Variants in NDST4 observed in about 807,000 individuals in gnomAD.
NDST4 encodes the protein N-heparan sulfate sulfotransferase 4.
In NDST4, 63 loss-of-function variants were observed where a neutral mutation model predicts 100.8. The ratio of observed to expected loss-of-function variants is 0.62; its 90% CI spans 0.51 to 0.77. The LOEUF (loss-of-function observed/expected upper bound fraction) is 0.77, where lower values mean the gene tolerates loss of function less well. Among genes scored for constraint, NDST4 ranks in the 30% least tolerant of loss-of-function variants. NDST4 has a pLI of 0.00. For synonymous variants in NDST4, 377 were observed against 361.8 expected (o/e 1.04, Z -0.48); for missense variants, 943 against 1,018.4 (o/e 0.93, Z 1.01).
chr4:115,009,344 T>C (rs1727490903), intron 2 of NDST4, among the ~76,000 whole-genome samples: 2 of 127,584 alleles, frequency 1.6e-5, no homozygotes, highest in Admixed American at 8.0e-5. Context: ...GAGATATAGA[T>C]CAATGGAACA....
chr4:114,966,267 A>G (rs778796264), intron 4 of NDST4, among the ~76,000 whole-genome samples: 13 of 152,012 alleles, frequency 8.6e-5, no homozygotes, highest in Non-Finnish European at 1.9e-4. Flanking sequence ...TAACTCCCAC[A>G]TGCATATACA....
intron 2 of NDST4, among the ~76,000 whole-genome samples, chr4:115,047,699 G>C (rs1435842714): frequency 6.6e-6 from 1 of 152,012 alleles, no homozygotes; most frequent in Non-Finnish European, 1.5e-5. Context: ...CATGAAGATT[G>C]CCCTTGCTAA....
At chr4:115,098,624 T>C (rs554170913) in intron 1 of NDST4, among the ~76,000 whole-genome samples, 1 of 152,298 alleles carries the variant, frequency 6.6e-6, no homozygotes, top group African/African-American at 2.4e-5. Flanking sequence ...CACCGTGGTG[T>C]AAATGAAAGA....
chr4:114,986,830 A>ATATATATATATATATATATATATTTATT (rs1553959396), intron 2 of NDST4, among the ~76,000 whole-genome samples: 1 of 91,960 alleles, frequency 1.1e-5, no homozygotes, highest in African/African-American at 4.3e-5. Context: ...ATATATATAT[A>ATATATATATATATATATATATATTTATT]TATTTTAATA....
At chr4:115,033,131 G>GTATATATA (rs60019799) in intron 2 of NDST4, among the ~76,000 whole-genome samples, 2 of 107,856 alleles carry the variant, frequency 1.9e-5, no homozygotes, top group Middle Eastern at 5.1e-3. Flanking sequence ...ATATATATGT[G>GTATATATA]TATATATATA....
chr4:115,092,786 T>A (rs996449985), intron 1 of NDST4, among the ~76,000 whole-genome samples: 4 of 152,024 alleles, frequency 2.6e-5, no homozygotes, highest in East Asian at 3.9e-4. Context: ...AATATTCAAT[T>A]AAAAAAATTT....
intron 6 of NDST4, among the ~76,000 whole-genome samples, chr4:114,896,390 G>C (rs557435229): frequency 1.3e-5 from 2 of 152,024 alleles, no homozygotes; most frequent in Non-Finnish European, 2.9e-5. Flanking sequence ...TTGGGAGGCC[G>C]AGGTGGGTGG....
chr4:115,039,529 C>T (rs553327320), intron 2 of NDST4, among the ~76,000 whole-genome samples: 32 of 152,152 alleles, frequency 2.1e-4, no homozygotes, highest in Non-Finnish European at 1.5e-5. Flanking sequence ...TGCATTATTC[C>T]TTCATATGTG....
intron 10 of NDST4, among the ~76,000 whole-genome samples, chr4:114,844,917 A>G (rs759320210): frequency 2.2e-4 from 34 of 152,278 alleles, no homozygotes; most frequent in Middle Eastern, 6.8e-3. Context: ...TTTTGTAATT[A>G]TTGCCAAATG....
chr4:115,089,340 T>C (rs756362123), intron 1 of NDST4, among the ~76,000 whole-genome samples: 10 of 150,874 alleles, frequency 6.6e-5, no homozygotes, highest in Admixed American at 3.3e-4. Context: ...ATTTCATTTT[T>C]TTCAAGAATC....
chr4:115,040,716 G>C (rs974315517), intron 2 of NDST4, among the ~76,000 whole-genome samples: 1 of 151,892 alleles, frequency 6.6e-6, no homozygotes, highest in African/African-American at 2.4e-5. Context: ...ACCAGACCTA[G>C]GCCAGAAAAT....
At chr4:115,044,351 A>G (rs1728419571) in intron 2 of NDST4, among the ~76,000 whole-genome samples, 1 of 152,176 alleles carries the variant, frequency 6.6e-6, no homozygotes, top group Non-Finnish European at 1.5e-5. Context: ...CGTGAGCTGA[A>G]CCATAAGCAG....
chr4:115,089,908 A>G (rs972896234), intron 1 of NDST4, among the ~76,000 whole-genome samples: 1 of 151,830 alleles, frequency 6.6e-6, no homozygotes, highest in African/African-American at 2.4e-5. Flanking sequence ...AGAAATCTGG[A>G]TTATATTAAT....
intron 1 of NDST4, among the ~76,000 whole-genome samples, chr4:115,094,935 C>G (rs73848380): frequency 1.3e-5 from 2 of 152,100 alleles, no homozygotes; most frequent in Non-Finnish European, 2.9e-5. Context: ...TTAAGGCACT[C>G]AGGTTTTAGT....
intron 6 of NDST4, among the ~76,000 whole-genome samples, chr4:114,883,726 G>C (rs1192678656): frequency 6.6e-6 from 1 of 152,066 alleles, no homozygotes; most frequent in East Asian, 1.9e-4. Context: ...AGACAATTTT[G>C]ACAATTTTTT....
intron 2 of NDST4, among the ~76,000 whole-genome samples, chr4:115,020,616 A>G (rs1176023650): frequency 6.6e-6 from 1 of 152,144 alleles, no homozygotes; most frequent in Non-Finnish European, 1.5e-5. Flanking sequence ...GAGTAAATTG[A>G]CAACCCACAG....
At chr4:114,970,754 G>A (rs1014133268) in intron 3 of NDST4, among the ~76,000 whole-genome samples, 170 bp from the exon 4 acceptor site, 1 of 152,056 alleles carries the variant, frequency 6.6e-6, no homozygotes, top group African/African-American at 2.4e-5. Flanking sequence ...AAAGGCAAAG[G>A]GACTTGGGAT....
At chr4:115,075,958 AC>A (rs1729170977) in intron 2 of NDST4, 100 bp downstream of exon 2, 1 of 1,374,796 alleles carries the variant, frequency 7.3e-7, no homozygotes, top group Admixed American at 2.5e-5. Context: ...ACTCTACTGC[AC>A]CTTAAAACTT....
chr4:114,944,328 G>T (rs940394055), intron 4 of NDST4, among the ~76,000 whole-genome samples: 5 of 152,048 alleles, frequency 3.3e-5, no homozygotes, highest in African/African-American at 1.2e-4. Flanking sequence ...TTCAATCAAA[G>T]GTTAAAACAA....
Sources: allele counts gnomAD v4.1 joint callset (sites outside exome capture counted in the v4.1 genomes callset), GRCh38; gene constraint gnomAD v4.1.1; transcripts MANE v1.5; gene names NCBI Gene and HGNC (gene_info 2026-07-23, HGNC 2026-07-21).